Variants in DACH2 observed in about 807,000 individuals in gnomAD.
DACH2 encodes the protein dachshund family transcription factor 2.
Under a neutral mutation model 35.8 loss-of-function variants are expected in DACH2, and 17 were observed. That is an observed-to-expected ratio of 0.48 (90% confidence interval 0.33 to 0.71). DACH2 has a LOEUF of 0.71. Among genes scored for constraint, DACH2 ranks in the 30% least tolerant of loss-of-function variants. The pLI is 0.02. For missense variants in DACH2, 469 were observed against 472.7 expected (o/e 0.99, Z 0.07); for synonymous variants, 195 against 177.3 (o/e 1.10, Z -0.79).
intron 3 of DACH2, among the ~76,000 whole-genome samples, chrX:86,616,141 C>T (rs2039998971): frequency 9.0e-6 from 1 of 111,726 alleles, no homozygotes; most frequent in African/African-American, 3.2e-5. Flanking sequence ...CATGGTGTAT[C>T]TGAACCATAT....
intron 1 of DACH2, among the ~76,000 whole-genome samples, chrX:86,289,992 G>A (rs1385076111): frequency 4.0e-5 from 4 of 99,712 alleles, no homozygotes; most frequent in East Asian, 3.3e-4. Context: ...CTGAGGAATC[G>A]CCACACTGAC....
chrX:86,725,649 C>T (rs926060848), intron 6 of DACH2, among the ~76,000 whole-genome samples: 1 of 111,110 alleles, frequency 9.0e-6, no homozygotes, highest in Non-Finnish European at 1.9e-5. Flanking sequence ...GTAGCTTGTT[C>T]GGATGCTGGT....
At chrX:86,767,266 G>T (rs952465822) in intron 7 of DACH2, among the ~76,000 whole-genome samples, 1 of 111,645 alleles carries the variant, frequency 9.0e-6, no homozygotes, top group African/African-American at 3.3e-5. Context: ...TAACTCGTTG[G>T]CTAGAACCTC....
At chrX:86,606,457 C>T (rs57416249) in intron 3 of DACH2, among the ~76,000 whole-genome samples, 1,532 of 111,229 alleles carry the variant, frequency 0.014, 30 homozygotes, top group African/African-American at 0.047. Flanking sequence ...ACTGGTCATT[C>T]AGGAGCATAT....
intron 1 of DACH2, among the ~76,000 whole-genome samples, chrX:86,344,443 G>A (rs1248406066): frequency 3.7e-5 from 4 of 108,384 alleles, no homozygotes; most frequent in African/African-American, 1.3e-4. Context: ...CAGGTCTCTA[G>A]GCTTGAAACC....
chrX:86,443,355 A>T (rs2037203498), intron 2 of DACH2, among the ~76,000 whole-genome samples: 1 of 111,286 alleles, frequency 9.0e-6, no homozygotes, highest in Non-Finnish European at 1.9e-5. Context: ...ACTATGGTTT[A>T]TGTACTTTAA....
intron 3 of DACH2, among the ~76,000 whole-genome samples, chrX:86,523,754 G>A (rs767104323): frequency 1.8e-5 from 2 of 110,407 alleles, no homozygotes; most frequent in South Asian, 7.8e-4. Context: ...GGTGGGGTCA[G>A]GCTGAAAAAA....
At chrX:86,330,988 T>A (rs2035202337) in intron 1 of DACH2, among the ~76,000 whole-genome samples, 1 of 111,749 alleles carries the variant, frequency 8.9e-6, no homozygotes, top group Non-Finnish European at 1.9e-5. Context: ...AATTTTACTT[T>A]AAGAAAACCA....
Position 86,757,249 on chromosome X carries a change from A to G in DACH2, c.1240+17367A>G, listed in dbSNP as rs188733941. On this transcript the variant is annotated intron_variant, in intron 7 of 11. Transcript: ENST00000373125. ...CCCTATGTTGATTGTAGCACTATTC[A>G]TAAGAGCCAAGATGTGGAATCCACC... Among the ~76,000 whole-genome samples, 13 of 111,810 alleles carry G rather than the reference A, an allele frequency of 1.2e-4. No homozygotes were observed. The East Asian group carries it at 3.7e-3, about 31-fold the overall frequency.
intron 2 of DACH2, among the ~76,000 whole-genome samples, chrX:86,501,439 G>C (rs1184959559): frequency 8.9e-6 from 1 of 112,027 alleles, no homozygotes; most frequent in Admixed American, 9.5e-5. Context: ...CTTTCTGGAA[G>C]ACAGGAAGAT....
At chrX:86,369,420 G>A (rs976145548) in intron 1 of DACH2, among the ~76,000 whole-genome samples, 1 of 110,593 alleles carries the variant, frequency 9.0e-6, no homozygotes, top group Non-Finnish European at 1.9e-5. Context: ...CTTTCAAATC[G>A]GTAATCCTCT....
intron 2 of DACH2, among the ~76,000 whole-genome samples, chrX:86,440,145 G>A (rs1393666094): frequency 1.8e-5 from 2 of 111,412 alleles, no homozygotes; most frequent in African/African-American, 3.3e-5. Flanking sequence ...GTTGATTGAT[G>A]GTTTCACTGA....
chrX:86,271,084 G>GT (rs1474929116), intron 1 of DACH2, among the ~76,000 whole-genome samples: 54 of 111,551 alleles, frequency 4.8e-4, no homozygotes, highest in African/African-American at 1.7e-3. Context: ...ATAGTCTTTT[G>GT]TAAGAATGAA....
chrX:86,736,610 T>C (rs908977422), intron 6 of DACH2, among the ~76,000 whole-genome samples: 1 of 111,506 alleles, frequency 9.0e-6, no homozygotes, highest in African/African-American at 3.3e-5. Context: ...TTACTCATAA[T>C]GAGCATTCAG....
At chrX:86,202,003 A>T (rs2147903158) in intron 1 of DACH2, among the ~76,000 whole-genome samples, 1 of 111,474 alleles carries the variant, frequency 9.0e-6, no homozygotes, top group East Asian at 2.8e-4. Flanking sequence ...ATTGAGTAAA[A>T]AACGTGAAAA....
At chrX:86,640,965 C>T (rs768506529) in intron 3 of DACH2, among the ~76,000 whole-genome samples, 1 of 112,271 alleles carries the variant, frequency 8.9e-6, no homozygotes, top group East Asian at 2.8e-4. Context: ...ATTCAATTTA[C>T]ACTGCAATTA....
chrX:86,430,031 A>T (rs1300480916), intron 2 of DACH2, among the ~76,000 whole-genome samples: 2 of 112,635 alleles, frequency 1.8e-5, no homozygotes, highest in Non-Finnish European at 3.7e-5. Flanking sequence ...TATGGAATCC[A>T]TCTGATTTCA....
intron 3 of DACH2, among the ~76,000 whole-genome samples, chrX:86,522,394 G>T (rs1434522947): frequency 9.0e-6 from 1 of 111,195 alleles, no homozygotes; most frequent in African/African-American, 3.3e-5. Flanking sequence ...ACTAAGGTAA[G>T]TCCCTTAGGA....
chrX:86,548,970 C>A lies in DACH2; in HGVS notation c.640+34579C>A, dbSNP rs139882977. Among the ~76,000 whole-genome samples, 213 of 111,525 alleles carry A rather than the reference C, an allele frequency of 1.9e-3. 1 individual carries two copies. The East Asian group carries it at 0.04, about 21-fold the overall frequency. ...TGACAGGGAGCATTTTTTGAGTGAT[C>A]TAACAGATTCTGTGAAGATTTATTC... On this transcript the variant is annotated intron_variant, in intron 3 of 11. Transcript: ENST00000373125.
Sources: gnomAD v4.1 joint callset for allele counts (sites outside exome capture counted in the v4.1 genomes callset) on GRCh38, gnomAD v4.1.1 for gene constraint, MANE v1.5 for transcripts, NCBI Gene and HGNC (gene_info 2026-07-23, HGNC 2026-07-21) for gene names.